The following THUMPD3 variants were observed in gnomAD, a reference collection of about 807,000 sequenced individuals.
The protein encoded by THUMPD3 is THUMP domain 3 tRNA guanosine methyltransferase.
In THUMPD3, 44 loss-of-function variants were observed where a neutral mutation model predicts 54.5. The observed-to-expected ratio is 0.81, with a 90% CI of 0.63 to 1.04. The LOEUF (loss-of-function observed/expected upper bound fraction) is 1.04, where lower values mean the gene tolerates loss of function less well. Ranked by LOEUF, THUMPD3 falls within the 50% of genes least tolerant of loss-of-function variation. The probability of loss-of-function intolerance (pLI) is 0.00; values close to 1 mark genes in which losing one functional copy is unlikely to be tolerated. For missense variants in THUMPD3, 604 were observed against 601.3 expected, an observed-to-expected ratio of 1.00 and a Z score of -0.05; for synonymous variants, 196 against 201.4, an observed-to-expected ratio of 0.97 and a Z score of 0.23.
Position 9,384,884 on chromosome 3 carries a change from G to C in THUMPD3, c.*196G>C, listed in dbSNP as rs567228403. ...TATGAGACCAGGCACAGTGGCTCAC[G>C]ACTGTAATTCCAGCAGTTTAGGAAG... is the stretch of plus-strand genomic sequence containing the variant. On this transcript the variant is annotated 3_prime_UTR_variant, in exon 10 of 10. Coordinates refer to ENST00000452837, the MANE Select transcript of THUMPD3 (RefSeq NM_001114092.2). 17 of 607,650 alleles carry C rather than the reference G, an allele frequency of 2.8e-5. No individual in the cohort carries two copies. In the East Asian group the frequency reaches 5.1e-4, roughly 18 times the overall value. 37.6% of individuals were successfully genotyped at this position (607,650 alleles called of 1,614,324 possible).
In THUMPD3 at chr3:9,367,002, A is replaced by C. The variant is rs200938759; in HGVS notation, c.330+17A>C. ...CAAACAAAGGTGAGCTATCCTAAAC[A>C]TGGTGGCTGATTTTTGGCTGTCTTC... On this transcript the variant is annotated intron_variant, in intron 3 of 9. Transcript: ENST00000452837. 3.1e-5 allele frequency: 49 copies of C among 1,591,906 alleles called. No individual in the cohort carries two copies. Among genetic ancestry groups the C allele is most frequent in the Middle Eastern group, 1.7e-4 (1 of 6,018 alleles).
At chr3:9,370,990 C>G in intron 3 of THUMPD3, 70 bp from the exon 4 acceptor site, 1 of 1,327,810 alleles carries the variant, frequency 7.5e-7, no homozygotes, top group Non-Finnish European at 1.0e-6. Flanking sequence ...TGTCCATAAG[C>G]AAAGTAGAGG....
chr3:9,367,040 A>T, intron 3 of THUMPD3, 55 bp downstream of exon 3: 1 of 1,377,104 alleles, frequency 7.3e-7, no homozygotes, highest in Non-Finnish European at 1.0e-6. Flanking sequence ...CAAAGAGATT[A>T]TTTCCATTTT....
In THUMPD3 at chr3:9,386,262, CG is replaced by C. The variant is rs1328561346; in HGVS notation, c.*1575del. 6.6e-6 allele frequency: 1 copy of C among 152,012 alleles called. No individual in the cohort carries two copies. The highest frequency in any genetic ancestry group is 1.5e-5 in the Non-Finnish European group (1 of 68,024). The allele number at this position is 152,012 out of a possible 1,614,324, so 9.4% of individuals were successfully genotyped here. A position where few individuals can be genotyped will look rare whatever the true frequency, so the allele number is the denominator to read the frequency against. On this transcript the variant is annotated 3_prime_UTR_variant, in exon 10 of 10. Transcript: ENST00000452837. ...ATTCACAGCTGCTTTGTTTATGGGC[CG>C]AACACAAAACTTTTCACCTGATGGG... is the stretch of plus-strand genomic sequence containing the variant.
At chr3:9,368,975 A>C (rs2031798775) in intron 3 of THUMPD3, among the ~76,000 whole-genome samples, 1 of 152,018 alleles carries the variant, frequency 6.6e-6, no homozygotes, top group Non-Finnish European at 1.5e-5. Flanking sequence ...TATCTGAAAT[A>C]CTCGGGACCA....
chr3:9,363,373 A>G (rs977543216), intron 1 of THUMPD3: 4 of 152,096 alleles, frequency 2.6e-5, no homozygotes, highest in African/African-American at 9.7e-5. Context: ...TGGCTCTCTG[A>G]CCTTGTGCGG....
In THUMPD3 at chr3:9,377,848, T is replaced by C; in HGVS notation, c.968T>C (p.Ile323Thr). ...TGTGATCCTCTACCTTATGATATAA[T>C]AGTCGATCCAATGTGTGGAACTGGG... Reference protein sequence around the residue: ...RLCDPLPYDIIVDPMCGTGAI... With the variant: ...RLCDPLPYDITVDPMCGTGAI... Residue 323 changes from isoleucine to threonine, a missense_variant, in exon 6 of 10, where the codon ATA (isoleucine) becomes ACA (threonine). Ile to Thr is a moderately conservative substitution (Grantham distance 89, BLOSUM62 -1). Coordinates refer to ENST00000452837, the MANE Select transcript of THUMPD3 (RefSeq NM_001114092.2). The C allele has an allele frequency of 1.2e-6, 2 of 1,613,780 alleles. No individual in the cohort carries two copies. The highest frequency in any genetic ancestry group is 1.7e-6 in the Non-Finnish European group (2 of 1,179,748).
At chr3:9,378,967 A>G (rs1337847529) in intron 6 of THUMPD3, among the ~76,000 whole-genome samples, 1 of 152,196 alleles carries the variant, frequency 6.6e-6, no homozygotes, top group Non-Finnish European at 1.5e-5. Flanking sequence ...TAAAGGCCGA[A>G]AAAAATTAAA....
intron 3 of THUMPD3, among the ~76,000 whole-genome samples, chr3:9,369,306 T>A: frequency 2.2e-5 from 1 of 45,134 alleles, no homozygotes; most frequent in African/African-American, 1.2e-4. Flanking sequence ...CAAGACTCCG[T>A]CTCAAAAAAA....
At chr3:9,380,677 G>T in intron 7 of THUMPD3, 59 bp downstream of exon 7, 1 of 1,275,226 alleles carries the variant, frequency 7.8e-7, no homozygotes, top group South Asian at 1.3e-5. Flanking sequence ...TTTTTATATT[G>T]ACTTTATGAA....
intron 6 of THUMPD3, 144 bp downstream of exon 6, chr3:9,378,032 CT>C (rs931050755): frequency 3.1e-6 from 2 of 655,072 alleles, no homozygotes; most frequent in African/African-American, 3.7e-5. Flanking sequence ...GAAAGTGGAA[CT>C]TTTTTGTAAA....
chr3:9,376,487 C>T (rs2125324141), intron 5 of THUMPD3, among the ~76,000 whole-genome samples: 1 of 152,294 alleles, frequency 6.6e-6, no homozygotes, highest in African/African-American at 2.4e-5. Flanking sequence ...GTCAGATATT[C>T]ACCCCTGACC....
intron 4 of THUMPD3, among the ~76,000 whole-genome samples, 172 bp from the exon 5 acceptor site, chr3:9,374,344 A>C (rs572961555): frequency 1.3e-5 from 2 of 152,302 alleles, no homozygotes; most frequent in East Asian, 3.9e-4. Context: ...GTGGTGCGCT[A>C]TGCCAATCAG....
chr3:9,381,814 C>G (rs1466196466), intron 7 of THUMPD3, among the ~76,000 whole-genome samples: 1 of 114,872 alleles, frequency 8.7e-6, no homozygotes. Flanking sequence ...GAGTCTCACT[C>G]TGTCGCCCAG....
intron 4 of THUMPD3, 148 bp downstream of exon 4, chr3:9,371,684 C>A: frequency 1.3e-6 from 1 of 742,616 alleles, no homozygotes; most frequent in Non-Finnish European, 2.3e-6. Flanking sequence ...AGATTTAGAT[C>A]CAAATTTTAA....
rs1241357527 is a variant in THUMPD3 at position 9,385,710 on chromosome 3, G to GGT, written c.*1029_*1030dup. Reference sequence around the variant, plus strand: ...AATTGTTTTTCTTTCAGTACACTAAGGTGTGTGTTTTCAAAACCAAACACA... The same window carrying GGT: ...AATTGTTTTTCTTTCAGTACACTAAGGTGTGTGTGTTTTCAAAACCAAACACA... On this transcript the variant is annotated 3_prime_UTR_variant, in exon 10 of 10. Transcript: ENST00000452837. 1 of 152,164 alleles carries GGT rather than the reference G, an allele frequency of 6.6e-6. No homozygotes were observed. Among genetic ancestry groups the GGT allele is most frequent in the African/African-American group, 2.4e-5 (1 of 41,432 alleles). The allele number at this position is 152,164 out of a possible 1,614,324, so 9.4% of individuals were successfully genotyped here.
chr3:9,367,412 C>T (rs1380285939), intron 3 of THUMPD3, among the ~76,000 whole-genome samples: 4 of 152,176 alleles, frequency 2.6e-5, no homozygotes, highest in Admixed American at 1.3e-4. Context: ...GCCAAAATAA[C>T]ATCTAAATAC....
At position 9,384,206 on chromosome 3, in the gene THUMPD3, T is replaced by C. The variant is rs374173702; in HGVS notation, c.1236-6T>C. ...AGTGTTTGACTCATGAGACCTTCTA[T>C]TATAGGATGGGATCCAAGAAGAGAA... On this transcript the variant is annotated splice_polypyrimidine_tract_variant and splice_region_variant and intron_variant, in intron 8 of 9. Transcript: ENST00000452837. 2.0e-5 allele frequency: 32 copies of C among 1,613,358 alleles called. No homozygotes were observed. In the African/African-American group the frequency reaches 4.0e-4, roughly 20 times the overall value.
intron 8 of THUMPD3, 51 bp from the exon 9 acceptor site, chr3:9,384,158 CCTT>C (rs1473867068): frequency 1.0e-5 from 16 of 1,589,600 alleles, no homozygotes; most frequent in Middle Eastern, 3.5e-4. Context: ...TTCATATAGT[CCTT>C]CTATTTTGTA....
Sources: allele counts gnomAD v4.1 joint callset (sites outside exome capture counted in the v4.1 genomes callset), GRCh38; gene constraint gnomAD v4.1.1; transcripts MANE v1.5; gene names NCBI Gene and HGNC (gene_info 2026-07-23, HGNC 2026-07-21).